Variants in NEO1 observed in about 807,000 individuals in gnomAD.
NEO1 encodes neogenin 1, also known as neogenin.
NEO1 carries 63 observed loss-of-function variants against 159.7 expected under a neutral mutation model. The observed-to-expected ratio is 0.39, with a 90% CI of 0.32 to 0.49. The LOEUF is 0.49. NEO1 is among the 20% of genes least tolerant of loss of function. The probability of loss-of-function intolerance (pLI) is 0.85; values close to 1 mark genes in which losing one functional copy is unlikely to be tolerated. For missense variants in NEO1, 1,615 were observed against 1,831.0 expected, an observed-to-expected ratio of 0.88 and a Z score of 2.15; for synonymous variants, 633 against 662.0, an observed-to-expected ratio of 0.96 and a Z score of 0.67.
intron 7 of NEO1, among the ~76,000 whole-genome samples, chr15:73,225,422 G>T (rs538667073): frequency 6.6e-6 from 1 of 152,236 alleles, no homozygotes; most frequent in African/African-American, 2.4e-5. Context: ...GGACCATCAG[G>T]AGGGGGCGGG....
chr15:73,156,489 G>T (rs1164695279), intron 5 of NEO1, among the ~76,000 whole-genome samples: 1 of 152,192 alleles, frequency 6.6e-6, no homozygotes, highest in African/African-American at 2.4e-5. Context: ...ATGCAGGTGA[G>T]CAGACTCTTG....
chr15:73,073,662 T>C (rs2068640222), intron 1 of NEO1, among the ~76,000 whole-genome samples: 1 of 152,066 alleles, frequency 6.6e-6, no homozygotes, highest in Admixed American at 6.5e-5. Context: ...GGAAGGAACA[T>C]AAGAACAGGT....
intron 1 of NEO1, among the ~76,000 whole-genome samples, chr15:73,088,849 A>G (rs545300545): frequency 1.3e-5 from 2 of 152,230 alleles, no homozygotes; most frequent in Non-Finnish European, 2.9e-5. Flanking sequence ...AGATGAAGTA[A>G]GAGAGAGTAA....
chr15:73,156,323 A>G (rs1194840957), intron 5 of NEO1, among the ~76,000 whole-genome samples: 2 of 152,158 alleles, frequency 1.3e-5, no homozygotes, highest in African/African-American at 2.4e-5. Context: ...GGAATGCCTC[A>G]TGGGTCCTTC....
chr15:73,053,036 C>G (rs1297819755), intron 1 of NEO1, among the ~76,000 whole-genome samples: 2 of 151,978 alleles, frequency 1.3e-5, no homozygotes, highest in Non-Finnish European at 2.9e-5. Context: ...GCGCAGGGGT[C>G]TAGTTCCCAG....
chr15:73,152,500 A>G (rs1299007434), intron 5 of NEO1, among the ~76,000 whole-genome samples: 1 of 152,150 alleles, frequency 6.6e-6, no homozygotes, highest in African/African-American at 2.4e-5. Flanking sequence ...CACCCTACAC[A>G]TTTCCTCATT....
At chr15:73,089,457 G>A (rs1313268733) in intron 1 of NEO1, among the ~76,000 whole-genome samples, 1 of 151,878 alleles carries the variant, frequency 6.6e-6, no homozygotes, top group African/African-American at 2.4e-5. Context: ...ACTTCTCCTG[G>A]GCATCTACCT....
intron 1 of NEO1, among the ~76,000 whole-genome samples, chr15:73,082,904 G>A (rs753388077): frequency 1.5e-4 from 23 of 152,138 alleles, no homozygotes; most frequent in Non-Finnish European, 2.8e-4. Context: ...AGGAAGTGAC[G>A]TTTCAGCTGA....
intron 7 of NEO1, among the ~76,000 whole-genome samples, chr15:73,194,583 G>A (rs2036427802): frequency 6.6e-6 from 1 of 152,168 alleles, no homozygotes. Flanking sequence ...AACCTACTCA[G>A]TGCAAGAAAG....
intron 7 of NEO1, among the ~76,000 whole-genome samples, chr15:73,208,439 A>C (rs1410986252): frequency 6.6e-6 from 1 of 152,228 alleles, no homozygotes; most frequent in Non-Finnish European, 1.5e-5. Context: ...TCTTTCTCAC[A>C]AGACATCCCA....
intron 7 of NEO1, among the ~76,000 whole-genome samples, chr15:73,235,438 C>G (rs2039118945): frequency 6.6e-6 from 1 of 152,150 alleles, no homozygotes; most frequent in African/African-American, 2.4e-5. Context: ...GCATGGGCTG[C>G]CTTGGAAGTT....
At chr15:73,054,222 T>C (rs1232639087) in intron 1 of NEO1, among the ~76,000 whole-genome samples, 1 of 152,236 alleles carries the variant, frequency 6.6e-6, no homozygotes, top group East Asian at 1.9e-4. Context: ...ACTCATGATC[T>C]ATTTTATATG....
At chr15:73,168,304 C>T (rs964496754) in intron 5 of NEO1, among the ~76,000 whole-genome samples, 2 of 144,730 alleles carry the variant, frequency 1.4e-5, no homozygotes, top group Admixed American at 1.5e-4. Flanking sequence ...CTGCCTCAGC[C>T]TCCCAAGTAG....
chr15:73,102,559 A>AT (rs1430617506), intron 1 of NEO1, among the ~76,000 whole-genome samples: 3 of 152,102 alleles, frequency 2.0e-5, no homozygotes, highest in African/African-American at 7.2e-5. Context: ...TATCTAATGA[A>AT]TGGGGGTCTC....
intron 4 of NEO1, among the ~76,000 whole-genome samples, chr15:73,128,423 A>G (rs748195737): frequency 4.6e-5 from 7 of 152,184 alleles, no homozygotes; most frequent in Non-Finnish European, 8.8e-5. Flanking sequence ...TGAAGATATA[A>G]AACTTATATA....
intron 5 of NEO1, among the ~76,000 whole-genome samples, chr15:73,168,009 A>C (rs1337160948): frequency 1.3e-5 from 2 of 152,184 alleles, no homozygotes; most frequent in Admixed American, 1.3e-4. Context: ...AAACAATGAT[A>C]TAAAACATTG....
chr15:73,078,234 TA>T (rs901365857), intron 1 of NEO1, among the ~76,000 whole-genome samples: 2 of 152,190 alleles, frequency 1.3e-5, no homozygotes, highest in East Asian at 1.9e-4. Context: ...AGTTTTATAT[TA>T]GGGGAGGGGA....
chr15:73,170,762 G>A (rs558661036), intron 5 of NEO1, among the ~76,000 whole-genome samples: 1 of 152,212 alleles, frequency 6.6e-6, no homozygotes, highest in Non-Finnish European at 1.5e-5. Flanking sequence ...TTCGAAGTAC[G>A]GTACTTTAGG....
At chr15:73,144,001 G>A (rs1407871374) in intron 5 of NEO1, among the ~76,000 whole-genome samples, 2 of 152,190 alleles carry the variant, frequency 1.3e-5, no homozygotes, top group Non-Finnish European at 2.9e-5. Flanking sequence ...TTAACGAATG[G>A]AATGAGTGAA....
Sources: gnomAD v4.1 joint callset for allele counts (sites outside exome capture counted in the v4.1 genomes callset) on GRCh38, gnomAD v4.1.1 for gene constraint, MANE v1.5 for transcripts, NCBI Gene and HGNC (gene_info 2026-07-23, HGNC 2026-07-21) for gene names.